The following CCDC73 variants were observed in gnomAD, a reference collection of about 807,000 sequenced individuals.
CCDC73 encodes coiled-coil domain containing 73, also known as coiled-coil domain-containing protein 73.
CCDC73 carries 95 observed loss-of-function variants against 116.5 expected under a neutral mutation model. The observed-to-expected ratio is 0.82, with a 90% CI of 0.69 to 0.97. CCDC73 has a LOEUF of 0.97. Among genes scored for constraint, CCDC73 ranks in the 50% least tolerant of loss-of-function variants. The pLI, the probability that CCDC73 is intolerant of heterozygous loss-of-function variation, is 0.00. For missense variants in CCDC73, 1,066 were observed against 1,206.8 expected, an observed-to-expected ratio of 0.88 and a Z score of 1.73; for synonymous variants, 398 against 401.3, an observed-to-expected ratio of 0.99 and a Z score of 0.10.
At chr11:32,690,969 T>C (rs1027876528) in intron 6 of CCDC73, among the ~76,000 whole-genome samples, 31 of 152,258 alleles carry the variant, frequency 2.0e-4, no homozygotes, top group African/African-American at 6.5e-4. Context: ...TAGACTATCA[T>C]ACAGAGTATT....
rs542177578 is a variant in CCDC73, at chr11:32,654,785, AT to A, written c.774+58del. 56 of 1,216,994 alleles carry A rather than the reference AT, an allele frequency of 4.6e-5. No homozygotes were observed. The African/African-American group carries it at 7.5e-4, about 16-fold the overall frequency. The allele number at this position is 1,216,994 out of a possible 1,614,324, so 75.4% of individuals were successfully genotyped here. On this transcript the variant is annotated intron_variant, in intron 10 of 17. Transcript: ENST00000335185. ...AGTATTTTTGTGTTACAATTCTGAA[AT>A]TCTCATAAGTTTTATTGAAAATATT... is the stretch of plus-strand genomic sequence containing the variant.
At chr11:32,816,463 A>C in the CCDC73 span, among the ~76,000 whole-genome samples, 198 of 152,308 alleles carry the variant, frequency 1.3e-3, no homozygotes, top group Non-Finnish European at 2.5e-3. Context: ...TATTTACAAC[A>C]ATTTTTTCTA....
chr11:32,637,017 C>CTTT lies in CCDC73; in HGVS notation c.1051-1190_1051-1188dup, dbSNP rs71063750. On this transcript the variant is annotated intron_variant, in intron 13 of 17. Coordinates refer to ENST00000335185, the MANE Select transcript of CCDC73 (RefSeq NM_001008391.4). ...TCTGTCTGTTTCACTTTTTCTTTTT[C>CTTT]TTTTTTTTTTTTTTTTTTTTGAGAA... Among the ~76,000 whole-genome samples, 409 of 87,914 alleles carry CTTT rather than the reference C, an allele frequency of 4.7e-3. 9 individuals carry two copies. Among genetic ancestry groups the CTTT allele is most frequent in the African/African-American group, 0.011 (269 of 25,312 alleles). 57.7% of individuals were successfully genotyped at this position (87,914 alleles called of 152,430 possible).
rs567788242 is a variant in CCDC73 at position 32,757,072 on chromosome 11, C to A, written c.135+3037G>T. Among the ~76,000 whole-genome samples the A allele has an allele frequency of 3.3e-5, 5 of 152,006 alleles. No homozygotes were observed. In the East Asian group the frequency reaches 9.7e-4, roughly 29 times the overall value. ...TCCATAACTATGTTAATGAAAACAACAAACTATGGTACATTTATATTATAG... is the reference window on the plus strand; with the variant it reads ...TCCATAACTATGTTAATGAAAACAAAAAACTATGGTACATTTATATTATAG... On this transcript the variant is annotated intron_variant, in intron 2 of 17. Transcript: ENST00000335185.
At chr11:32,667,494 T>C (rs896635151) in intron 9 of CCDC73, among the ~76,000 whole-genome samples, 4 of 152,178 alleles carry the variant, frequency 2.6e-5, no homozygotes, top group African/African-American at 9.6e-5. Context: ...GGTGTGCCAT[T>C]TGCTAGGACC....
intron 7 of CCDC73, among the ~76,000 whole-genome samples, chr11:32,678,039 G>T (rs1442342363): frequency 6.6e-6 from 1 of 151,376 alleles, no homozygotes; most frequent in Admixed American, 6.6e-5. Context: ...AGCACTTTGG[G>T]AGGTGGAGGC....
In CCDC73 at chr11:32,716,616, C is replaced by T. The variant is rs141592768; in HGVS notation, c.207+1460G>A. Among the ~76,000 whole-genome samples the T allele has an allele frequency of 3.6e-3, 542 of 152,312 alleles. 5 individuals are homozygous for T. The highest frequency in any genetic ancestry group is 0.013 in the African/African-American group (523 of 41,574). On this transcript the variant is annotated intron_variant, in intron 3 of 17. Coordinates refer to ENST00000335185, the MANE Select transcript of CCDC73 (RefSeq NM_001008391.4). ...CTCGCTCTGCACCCAGGCTGGAGTG[C>T]AATGGCGCAAACATAGCTCACTACA...
intron 3 of CCDC73, among the ~76,000 whole-genome samples, chr11:32,710,090 C>G (rs117637033): frequency 3.3e-5 from 5 of 152,254 alleles, no homozygotes; most frequent in Non-Finnish European, 7.4e-5. Flanking sequence ...TGGATCGTCT[C>G]TCTTTTCTTG....
At chr11:32,632,248 C>T (rs1021893107) in intron 14 of CCDC73, among the ~76,000 whole-genome samples, 1 of 152,056 alleles carries the variant, frequency 6.6e-6, no homozygotes, top group Admixed American at 6.6e-5. Context: ...TTCTTTGAGA[C>T]GGAGTCTCAC....
intron 9 of CCDC73, among the ~76,000 whole-genome samples, chr11:32,672,329 A>C (rs540063219): frequency 3.5e-4 from 53 of 152,190 alleles, no homozygotes; most frequent in Non-Finnish European, 7.2e-4. Context: ...GCAACAGAGC[A>C]AGACTCTGTC....
At chr11:32,739,610 T>C (rs991473499) in intron 2 of CCDC73, among the ~76,000 whole-genome samples, 1 of 152,130 alleles carries the variant, frequency 6.6e-6, no homozygotes, top group African/African-American at 2.4e-5. Flanking sequence ...ATCTTTAGGT[T>C]TTTCCAAATA....
intron 1 of CCDC73, among the ~76,000 whole-genome samples, chr11:32,766,253 A>T (rs775180496): frequency 1.8e-4 from 27 of 152,236 alleles, no homozygotes; most frequent in Non-Finnish European, 3.2e-4. Context: ...GACAAAATTC[A>T]ACAGCCCTTC....
At chr11:32,734,173 A>G (rs1850105545) in intron 2 of CCDC73, among the ~76,000 whole-genome samples, 1 of 152,238 alleles carries the variant, frequency 6.6e-6, no homozygotes, top group Non-Finnish European at 1.5e-5. Flanking sequence ...AAAATCTAGA[A>G]GAAATGGATA....
chr11:32,611,490 G>C (rs1855422235), intron 16 of CCDC73, among the ~76,000 whole-genome samples: 1 of 152,120 alleles, frequency 6.6e-6, no homozygotes, highest in African/African-American at 2.4e-5. Flanking sequence ...CCTGATTACT[G>C]TAATTCCACA....
At chr11:32,691,047 C>CTT (rs145108336) in intron 6 of CCDC73, among the ~76,000 whole-genome samples, 2 of 142,076 alleles carry the variant, frequency 1.4e-5, no homozygotes, top group Admixed American at 7.0e-5. Context: ...CTGGCAACCA[C>CTT]TTTTTTTTTT....
intron 1 of CCDC73, among the ~76,000 whole-genome samples, chr11:32,763,139 C>T (rs941933306): frequency 6.6e-6 from 1 of 152,380 alleles, no homozygotes. Context: ...CTCAAGGAGG[C>T]CTGCCTGCCT....
At position 32,760,152 on chromosome 11, in the gene CCDC73, T is replaced by C; in HGVS notation, c.92A>G (p.Lys31Arg). ...TTCTAATGCCTCCAGTAAACTTGTT[T>C]TGAAATCTAATAGCTGAATAGAAAA... Reference protein sequence around the residue: ...TLFSIQLLDFKTSLLEALEEL... With the variant: ...TLFSIQLLDFRTSLLEALEEL... The change falls in exon 2 of 18, where the codon AAA (lysine) becomes AGA (arginine). Residue 31 changes from lysine (K) to arginine (R), a missense_variant. Coordinates refer to ENST00000335185, the MANE Select transcript of CCDC73 (RefSeq NM_001008391.4). The C allele has an allele frequency of 6.2e-7, 1 of 1,606,168 alleles. No individual in the cohort carries two copies. Among genetic ancestry groups the C allele is most frequent in the Non-Finnish European group, 8.5e-7 (1 of 1,176,060 alleles).
At chr11:32,680,686 A>T (rs1253130205) in intron 7 of CCDC73, 1 of 152,024 alleles carries the variant, frequency 6.6e-6, no homozygotes, top group Non-Finnish European at 1.5e-5. Context: ...ACTTAAGGAG[A>T]CTGATTTGAA....
At chr11:32,670,314 A>G (rs940185635) in intron 9 of CCDC73, among the ~76,000 whole-genome samples, 3 of 152,160 alleles carry the variant, frequency 2.0e-5, no homozygotes, top group African/African-American at 7.2e-5. Context: ...CAAGGTCAGG[A>G]GATCGAGACC....
Sources: gnomAD v4.1 joint callset for allele counts (sites outside exome capture counted in the v4.1 genomes callset) on GRCh38, gnomAD v4.1.1 for gene constraint, MANE v1.5 for transcripts, NCBI Gene and HGNC (gene_info 2026-07-23, HGNC 2026-07-21) for gene names.